FAM135A: variants seen among roughly 807,000 people sequenced by gnomAD.
FAM135A encodes family with sequence similarity 135 member A, also known as protein FAM135A.
FAM135A carries 79 observed loss-of-function variants against 146.8 expected under a neutral mutation model. The observed-to-expected ratio is 0.54, with a 90% CI of 0.45 to 0.65. The LOEUF is 0.65. Among genes scored for constraint, FAM135A ranks in the 30% least tolerant of loss-of-function variants. The pLI is 0.00. For synonymous variants in FAM135A, 562 were observed against 603.6 expected (o/e 0.93, Z 1.01); for missense variants, 1,623 against 1,758.2 (o/e 0.92, Z 1.38).
chr6:70,530,837 C>G (rs1795663129), intron 16 of FAM135A, among the ~76,000 whole-genome samples: 1 of 152,196 alleles, frequency 6.6e-6, no homozygotes, highest in South Asian at 2.1e-4. Flanking sequence ...AGTGCAAACT[C>G]TGTCTAGTTC....
chr6:70,480,667 A>T (rs549002002), intron 8 of FAM135A, among the ~76,000 whole-genome samples: 1 of 152,320 alleles, frequency 6.6e-6, no homozygotes, highest in East Asian at 1.9e-4. Context: ...TGAGACTTCC[A>T]GAAGTCTAAT....
intron 5 of FAM135A, among the ~76,000 whole-genome samples, chr6:70,458,988 G>A (rs531056630): frequency 3.9e-5 from 6 of 152,192 alleles, no homozygotes; most frequent in African/African-American, 1.4e-4. Context: ...TTGCTCCCAT[G>A]TATTTAACTG....
At chr6:70,440,964 T>C (rs990779941) in intron 4 of FAM135A, among the ~76,000 whole-genome samples, 1 of 152,244 alleles carries the variant, frequency 6.6e-6, no homozygotes, top group African/African-American at 2.4e-5. Context: ...AAAGACATAA[T>C]AAATGTTTTA....
chr6:70,417,104 A>C (rs1767731382), intron 2 of FAM135A, among the ~76,000 whole-genome samples: 1 of 152,080 alleles, frequency 6.6e-6, no homozygotes, highest in African/African-American at 2.4e-5. Context: ...TCTTATTTTG[A>C]TGAAAAAAAT....
At chr6:70,548,881 A>G (rs1437875708) in intron 20 of FAM135A, among the ~76,000 whole-genome samples, 2 of 152,024 alleles carry the variant, frequency 1.3e-5, no homozygotes, top group African/African-American at 4.8e-5. Context: ...AAAGAAAAAA[A>G]TGGACAAAAG....
intron 11 of FAM135A, among the ~76,000 whole-genome samples, chr6:70,497,265 G>T (rs1238782980): frequency 6.6e-6 from 1 of 152,052 alleles, no homozygotes; most frequent in African/African-American, 2.4e-5. Flanking sequence ...CGTAGCAATT[G>T]TGAATGGGAA....
In FAM135A at chr6:70,541,653, C is replaced by CAAATATTA. The variant is rs1273797504; in HGVS notation, c.4228+3254_4228+3261dup. On this transcript the variant is annotated intron_variant, in intron 20 of 21. Coordinates refer to ENST00000418814, the MANE Select transcript of FAM135A (RefSeq NM_001162529.3). Reference sequence around the variant, plus strand: ...ATCCATCTTTACCATTGGTAGCTCTCAAATATTAATATATATCTCTAGCTT... The same window carrying CAAATATTA: ...ATCCATCTTTACCATTGGTAGCTCTCAAATATTAAAATATTAATATATATCTCTAGCTT... Among the ~76,000 whole-genome samples, 473 of 152,254 alleles carry CAAATATTA rather than the reference C, an allele frequency of 3.1e-3. 3 individuals are homozygous for CAAATATTA. The highest frequency in any genetic ancestry group is 0.011 in the African/African-American group (457 of 41,542).
intron 17 of FAM135A, 36 bp from the exon 18 acceptor site, chr6:70,533,721 C>G: frequency 8.0e-7 from 1 of 1,248,748 alleles, no homozygotes; most frequent in Non-Finnish European, 1.1e-6. Flanking sequence ...TATACATATT[C>G]CCAAATATAA....
chr6:70,535,111 T>C (rs1026137231), intron 18 of FAM135A, among the ~76,000 whole-genome samples: 2 of 152,182 alleles, frequency 1.3e-5, no homozygotes, highest in African/African-American at 4.8e-5. Context: ...AATCAATCAT[T>C]TTCCAGAAGT....
intron 20 of FAM135A, among the ~76,000 whole-genome samples, chr6:70,542,714 T>G (rs772252580): frequency 1.3e-5 from 2 of 152,214 alleles, no homozygotes; most frequent in Non-Finnish European, 2.9e-5. Context: ...TATTAATGAA[T>G]TTCAATCCTC....
chr6:70,442,236 TG>T lies in FAM135A; in HGVS notation c.78-10253del, dbSNP rs200098344. ...ACCATAAATATTTAAAATTTCTTCA[TG>T]GGTTTTTTTTTTTTTTTTTTGCCGA... On this transcript the variant is annotated intron_variant, in intron 4 of 21. Coordinates refer to ENST00000418814, the MANE Select transcript of FAM135A (RefSeq NM_001162529.3). 1.3e-3 allele frequency among the ~76,000 whole-genome samples: 186 copies of T among 144,026 alleles called. 3 individuals are homozygous for T. The highest frequency in any genetic ancestry group is 1.7e-3 in the Non-Finnish European group (111 of 66,792). The allele number at this position is 144,026 out of a possible 152,430, so 94.5% of individuals were successfully genotyped here. A position where few individuals can be genotyped will look rare whatever the true frequency, so the allele number is the denominator to read the frequency against.
intron 10 of FAM135A, among the ~76,000 whole-genome samples, chr6:70,486,708 C>T (rs1055612655): frequency 1.3e-5 from 2 of 152,220 alleles, no homozygotes; most frequent in South Asian, 2.1e-4. Flanking sequence ...GTGGGCAGAT[C>T]ACCTGAGGTC....
rs139808267 is a variant in FAM135A at position 70,554,113 on chromosome 6, G to A, written c.4229-2637G>A. Among the ~76,000 whole-genome samples the A allele has an allele frequency of 2.3e-3, 352 of 152,232 alleles. 1 individual carries two copies. Among genetic ancestry groups the A allele is most frequent in the Non-Finnish European group, 4.2e-3 (284 of 67,994 alleles). ...GCCAGAAATTTAGATTTGAGGAGCA[G>A]ATACAAAAATGATAATTAGAGAGAT... is the stretch of plus-strand genomic sequence containing the variant. On this transcript the variant is annotated intron_variant, in intron 20 of 21. Coordinates refer to ENST00000418814, the MANE Select transcript of FAM135A (RefSeq NM_001162529.3).
chr6:70,480,950 C>A lies in FAM135A; in HGVS notation c.592C>A (p.Gln198Lys). Residue 198 changes from glutamine (Q) to lysine (K), a missense_variant, in exon 9 of 22, where the codon CAA becomes AAA. Around this residue, in one of 7 missense-constraint regions of FAM135A, gnomAD observed 206 missense variants for 194.7 expected, o/e 1.06. Transcript: ENST00000418814. ...TTWLNRNAPA[Q>K]NKDSVIPTLE... Reference sequence around the variant, plus strand: ...TTGGTTAAATAGAAATGCACCAGCACAAAACAAAGATTCCGTGATTCCTAC... The same window carrying A: ...TTGGTTAAATAGAAATGCACCAGCAAAAAACAAAGATTCCGTGATTCCTAC... The A allele has an allele frequency of 6.2e-7, 1 of 1,612,706 alleles. No homozygotes were observed. Among genetic ancestry groups the A allele is most frequent in the Non-Finnish European group, 8.5e-7 (1 of 1,179,330 alleles).
In FAM135A at chr6:70,482,099, C is replaced by T. The variant is rs1562497117; in HGVS notation, c.768C>T (p.His256=). ...TGCTGCTAGCCTTCAAGGGATTGCA[C>T]AGCTACTTCATTACAGTAACAGAAG... The part of the protein sequence containing the change: ...ATLLLAFKGL[H]SYFITVTEEI... Residue 256 remains histidine (H), a synonymous_variant, in exon 10 of 22, where the codon CAC becomes CAT. Transcript: ENST00000418814. 7 of 1,613,766 alleles carry T rather than the reference C, an allele frequency of 4.3e-6. No individual in the cohort carries two copies. The highest frequency in any genetic ancestry group is 1.7e-5 in the Admixed American group (1 of 59,986).
At chr6:70,427,089 A>G (rs1240781655) in intron 3 of FAM135A, among the ~76,000 whole-genome samples, 1 of 152,208 alleles carries the variant, frequency 6.6e-6, no homozygotes, top group Non-Finnish European at 1.5e-5. Context: ...CACTTAGCTT[A>G]CTTAACAGTC....
Position 70,524,686 on chromosome 6 carries a change from C to T in FAM135A, c.1602C>T (p.Leu534=). 1 of 1,550,864 alleles carries T rather than the reference C, an allele frequency of 6.4e-7. No individual in the cohort carries two copies. The highest frequency in any genetic ancestry group is 1.4e-5 in the African/African-American group (1 of 73,090). The change falls in exon 15 of 22, where the codon CTC becomes CTT. Residue 534 remains leucine, a synonymous_variant. Transcript: ENST00000418814. ...TGAAAAGTACAGCATCAAATGATCT[C>T]ATTAAATGCTTTGAAGGCAATCCTT... is the stretch of plus-strand genomic sequence containing the variant. ...KCLKSTASND[L]IKCFEGNPSH...
At chr6:70,480,819 T>G (rs1418875969) in intron 8 of FAM135A, 82 bp from the exon 9 acceptor site, 1 of 1,387,986 alleles carries the variant, frequency 7.2e-7, no homozygotes, top group Non-Finnish European at 9.6e-7. Context: ...GTTCTATTCC[T>G]GTAAGATTTT....
intron 21 of FAM135A, among the ~76,000 whole-genome samples, chr6:70,558,762 T>A (rs1437834473): frequency 6.6e-6 from 1 of 152,078 alleles, no homozygotes; most frequent in Non-Finnish European, 1.5e-5. Context: ...GAGGCTGCAG[T>A]GAGTTGTGAT....
Sources: gnomAD v4.1 joint callset for allele counts (sites outside exome capture counted in the v4.1 genomes callset) on GRCh38, gnomAD v4.1.1 for gene constraint, gnomAD v4.1.1 regional missense constraint, MANE v1.5 for transcripts, NCBI Gene and HGNC (gene_info 2026-07-23, HGNC 2026-07-21) for gene names.